The following NEDD4 variants were observed in gnomAD, a reference collection of about 807,000 sequenced individuals.
NEDD4 encodes the protein NEDD4 E3 ubiquitin protein ligase, also known as E3 ubiquitin-protein ligase NEDD4.
A neutral mutation model predicts 144.9 loss-of-function variants in NEDD4; 99 were observed. That is an observed-to-expected ratio of 0.68 (90% confidence interval 0.58 to 0.81). NEDD4 has a LOEUF of 0.81. Ranked by LOEUF, NEDD4 falls within the 30% of genes least tolerant of loss-of-function variation. The probability of loss-of-function intolerance (pLI) is 0.00; values close to 1 mark genes in which losing one functional copy is unlikely to be tolerated. For synonymous variants in NEDD4, 318 were observed against 350.6 expected (o/e 0.91, Z 1.04); for missense variants, 985 against 1,065.9 (o/e 0.92, Z 1.06).
rs561814496 is a variant in NEDD4 at position 55,850,524 on chromosome 15, G to A, written c.1347+18C>T. 1.2e-6 allele frequency: 2 copies of A among 1,611,332 alleles called. No homozygotes were observed. Among genetic ancestry groups the A allele is most frequent in the African/African-American group, 2.7e-5 (2 of 74,756 alleles). The stretch of plus-strand genomic sequence containing the variant: ...ATTATTGTTGTTATAAATTTAAATG[G>A]AAAAGTATCAAAGTTACCCAGGTGG... On this transcript the variant is annotated intron_variant, in intron 14 of 28. Transcript: ENST00000435532.
At chr15:55,951,327 A>C (rs1422133310) in intron 4 of NEDD4, 49 bp downstream of exon 4, 1 of 764,040 alleles carries the variant, frequency 1.3e-6, no homozygotes. Flanking sequence ...TAACCTCCTA[A>C]GAAAAAAACT....
At chr15:55,906,848 T>C (rs1435765125) in intron 5 of NEDD4, among the ~76,000 whole-genome samples, 1 of 152,008 alleles carries the variant, frequency 6.6e-6, no homozygotes, top group Non-Finnish European at 1.5e-5. Context: ...ATAATCCCAA[T>C]GCTTTGGGAG....
At chr15:55,838,479 T>A in intron 22 of NEDD4, 30 bp downstream of exon 22, 1 of 1,416,340 alleles carries the variant, frequency 7.1e-7, no homozygotes, top group Non-Finnish European at 1.0e-6. Flanking sequence ...ACAATTTATG[T>A]GCCATTTTAA....
At chr15:55,931,129 T>C (rs1261215842) in intron 4 of NEDD4, among the ~76,000 whole-genome samples, 1 of 152,118 alleles carries the variant, frequency 6.6e-6, no homozygotes, top group Non-Finnish European at 1.5e-5. Context: ...GAATACAAAA[T>C]ACAATTGTAA....
intron 2 of NEDD4, among the ~76,000 whole-genome samples, chr15:55,953,856 G>A (rs1270019562): frequency 1.3e-5 from 2 of 152,190 alleles, no homozygotes; most frequent in Non-Finnish European, 2.9e-5. Context: ...GAGTAGCTGG[G>A]ACTACAGGCG....
chr15:55,878,853 G>T (rs1038671901), intron 5 of NEDD4, among the ~76,000 whole-genome samples: 2 of 152,292 alleles, frequency 1.3e-5, no homozygotes, highest in South Asian at 2.1e-4. Flanking sequence ...ACGGAGTTTC[G>T]CTCTTGTCGC....
chr15:55,907,148 G>A (rs1226226835), intron 5 of NEDD4, among the ~76,000 whole-genome samples: 4 of 151,710 alleles, frequency 2.6e-5, no homozygotes, highest in African/African-American at 9.7e-5. Context: ...TTAAAGAAAG[G>A]GGGAAACTTG....
intron 13 of NEDD4, 98 bp from the exon 14 acceptor site, chr15:55,850,840 C>A (rs1034973053): frequency 9.8e-7 from 1 of 1,018,418 alleles, no homozygotes; most frequent in Non-Finnish European, 1.4e-6. Context: ...AGAATACACA[C>A]CCTCCATTAA....
chr15:55,982,199 G>A (rs1453343564), intron 1 of NEDD4, among the ~76,000 whole-genome samples: 1 of 152,106 alleles, frequency 6.6e-6, no homozygotes, highest in Non-Finnish European at 1.5e-5. Flanking sequence ...CAATCGTGTT[G>A]GGAGACTGTT....
chr15:55,946,570 AC>A (rs1190495365), intron 4 of NEDD4, among the ~76,000 whole-genome samples: 1 of 152,188 alleles, frequency 6.6e-6, no homozygotes, highest in African/African-American at 2.4e-5. Flanking sequence ...AGACTTTAAC[AC>A]CCCACTGTCA....
At position 55,829,284 on chromosome 15, in the gene NEDD4, C is replaced by G. The variant is rs2032831262; in HGVS notation, c.*613G>C. On this transcript the variant is annotated 3_prime_UTR_variant, in exon 29 of 29. Transcript: ENST00000435532. ...GAAAGTGAAGAAGTAAACAGTTTTT[C>G]TGTGAGTTAGTTGGCTAGAAATATA... 6.6e-6 allele frequency: 1 copy of G among 152,306 alleles called. No homozygotes were observed. Among genetic ancestry groups the G allele is most frequent in the Middle Eastern group, 3.4e-3 (1 of 294 alleles). The allele number at this position is 152,306 out of a possible 1,614,324, so 9.4% of individuals were successfully genotyped here.
At chr15:55,911,823 C>G (rs1216646660) in intron 5 of NEDD4, among the ~76,000 whole-genome samples, 1 of 152,114 alleles carries the variant, frequency 6.6e-6, no homozygotes, top group African/African-American at 2.4e-5. Context: ...CCACCGCGCC[C>G]GGCCTAGACT....
At chr15:55,871,469 G>A (rs2034795298) in intron 7 of NEDD4, among the ~76,000 whole-genome samples, 1 of 152,104 alleles carries the variant, frequency 6.6e-6, no homozygotes, top group Non-Finnish European at 1.5e-5. Flanking sequence ...TTGAAAAGCA[G>A]GCTGCTAGGA....
chr15:55,921,125 T>C (rs2036561496), intron 5 of NEDD4, among the ~76,000 whole-genome samples: 1 of 152,284 alleles, frequency 6.6e-6, no homozygotes, highest in Admixed American at 6.5e-5. Context: ...TCCAAGTATT[T>C]TCATCGTCAT....
At chr15:55,903,849 T>C (rs34299048) in intron 5 of NEDD4, among the ~76,000 whole-genome samples, 45,962 of 100,940 alleles carry the variant, frequency 0.46, 8,311 homozygotes, top group East Asian at 0.62. Flanking sequence ...AACACACATA[T>C]ATATATATAT....
At chr15:55,937,348 A>C (rs2036914213) in intron 4 of NEDD4, among the ~76,000 whole-genome samples, 1 of 152,212 alleles carries the variant, frequency 6.6e-6, no homozygotes, top group Admixed American at 6.5e-5. Flanking sequence ...TGATGATATA[A>C]ATGACAAAGA....
chr15:55,972,126 G>A (rs978921576), intron 1 of NEDD4, among the ~76,000 whole-genome samples: 13 of 152,170 alleles, frequency 8.5e-5, no homozygotes, highest in African/African-American at 2.9e-4. Context: ...AAATGCTAAA[G>A]GGTGTCCCAC....
At chr15:55,962,191 C>T (rs1026648229) in intron 2 of NEDD4, among the ~76,000 whole-genome samples, 17 of 152,154 alleles carry the variant, frequency 1.1e-4, no homozygotes, top group Non-Finnish European at 2.5e-4. Flanking sequence ...AATATATCCA[C>T]TTCAGTCTTT....
chr15:55,881,719 T>A (rs2035200482), intron 5 of NEDD4, among the ~76,000 whole-genome samples: 1 of 152,206 alleles, frequency 6.6e-6, no homozygotes, highest in African/African-American at 2.4e-5. Context: ...ACTGAACATC[T>A]GTATGTTTGA....
Sources: allele counts gnomAD v4.1 joint callset (sites outside exome capture counted in the v4.1 genomes callset), GRCh38; gene constraint gnomAD v4.1.1; transcripts MANE v1.5; gene names NCBI Gene and HGNC (gene_info 2026-07-23, HGNC 2026-07-21).